The following TNS3 variants were observed in gnomAD, a reference collection of about 807,000 sequenced individuals.
The protein encoded by TNS3 is tensin-3.
Under a neutral mutation model 140.9 loss-of-function variants are expected in TNS3, and 45 were observed. The observed-to-expected ratio is 0.32, with a 90% CI of 0.25 to 0.41. The LOEUF is 0.41. Among genes scored for constraint, TNS3 ranks in the 10% least tolerant of loss-of-function variants. TNS3 has a pLI of 1.00. For missense variants in TNS3, 1,716 were observed against 1,906.7 expected (o/e 0.90, Z 1.86); for synonymous variants, 815 against 788.4 (o/e 1.03, Z -0.56).
intron 4 of TNS3, among the ~76,000 whole-genome samples, chr7:47,466,036 T>G (rs1304399298): frequency 6.6e-6 from 1 of 152,234 alleles, no homozygotes; most frequent in Non-Finnish European, 1.5e-5. Context: ...TTAAAATATC[T>G]AATTCATGTT....
chr7:47,530,551 C>T (rs969093565), intron 1 of TNS3, among the ~76,000 whole-genome samples: 1 of 151,670 alleles, frequency 6.6e-6, no homozygotes, highest in African/African-American at 2.4e-5. Context: ...TGGCCAGGCT[C>T]GGTGGCTCAC....
At chr7:47,506,810 C>T (rs1383724297) in intron 3 of TNS3, 97 bp downstream of exon 3, 10 of 951,816 alleles carry the variant, frequency 1.1e-5, no homozygotes, top group Non-Finnish European at 1.4e-5. Flanking sequence ...AGTTTTCTTT[C>T]CGTGGCTGCA....
chr7:47,518,305 C>T (rs1584801342), intron 2 of TNS3, among the ~76,000 whole-genome samples: 1 of 152,130 alleles, frequency 6.6e-6, no homozygotes, highest in African/African-American at 2.4e-5. Flanking sequence ...GATTGGATGT[C>T]GCCGCAAGGT....
chr7:47,380,159 T>C (rs1791662940), intron 16 of TNS3, among the ~76,000 whole-genome samples: 1 of 152,186 alleles, frequency 6.6e-6, no homozygotes, highest in Non-Finnish European at 1.5e-5. Context: ...GTGGCAGGCG[T>C]GTCACAGACG....
intron 3 of TNS3, 88 bp from the exon 4 acceptor site, chr7:47,481,229 T>A (rs776540184): frequency 9.8e-7 from 1 of 1,023,686 alleles, no homozygotes. Context: ...AAAGACTGAA[T>A]GAAACTGTCT....
intron 20 of TNS3, among the ~76,000 whole-genome samples, chr7:47,336,067 T>C (rs574887065): frequency 6.6e-6 from 1 of 152,128 alleles, no homozygotes; most frequent in South Asian, 2.1e-4. Context: ...GCAATGGGAC[T>C]AGAATCCAAA....
chr7:47,470,636 C>T (rs1584729390), intron 4 of TNS3: 2 of 985,446 alleles, frequency 2.0e-6, no homozygotes, highest in South Asian at 9.4e-5. Context: ...AATGCAGCAA[C>T]CCTGAACCAC....
chr7:47,389,098 GGAAGCGGAAGCAGAAGAAGAA>G (rs1792322918), intron 16 of TNS3, among the ~76,000 whole-genome samples: 1 of 35,976 alleles, frequency 2.8e-5, no homozygotes, highest in African/African-American at 2.2e-4. Flanking sequence ...AAGAGGAAGA[GGAAGCGGAAGCAGAAGAAGAA>G]GAAGAAGAAG....
chr7:47,328,743 G>A (rs1273136187), intron 20 of TNS3, among the ~76,000 whole-genome samples: 1 of 152,160 alleles, frequency 6.6e-6, no homozygotes, highest in African/African-American at 2.4e-5. Context: ...GCAGCCCAGG[G>A]GACCTTCCAA....
intron 4 of TNS3, among the ~76,000 whole-genome samples, chr7:47,475,326 C>G (rs1168159710): frequency 6.6e-6 from 1 of 152,256 alleles, no homozygotes; most frequent in Non-Finnish European, 1.5e-5. Context: ...TACCCAACCC[C>G]TCTTCCAGGG....
At chr7:47,483,415 C>T (rs920071767) in intron 3 of TNS3, among the ~76,000 whole-genome samples, 3 of 152,210 alleles carry the variant, frequency 2.0e-5, no homozygotes, top group East Asian at 3.9e-4. Flanking sequence ...ATGATCCACC[C>T]ACCTCGGCCT....
At chr7:47,297,628 C>A (rs1315968853) in intron 23 of TNS3, among the ~76,000 whole-genome samples, 3 of 152,024 alleles carry the variant, frequency 2.0e-5, no homozygotes, top group Non-Finnish European at 4.4e-5. Context: ...AGAAACAAGA[C>A]CAGATCCAAA....
At chr7:47,406,548 A>T (rs1202114812) in intron 13 of TNS3, among the ~76,000 whole-genome samples, 2 of 152,212 alleles carry the variant, frequency 1.3e-5, no homozygotes, top group East Asian at 3.9e-4. Context: ...AGAGGACAAG[A>T]GGCCTTTTGA....
At chr7:47,568,994 T>TC (rs1800491075) in intron 1 of TNS3, among the ~76,000 whole-genome samples, 1 of 152,216 alleles carries the variant, frequency 6.6e-6, no homozygotes, top group African/African-American at 2.4e-5. Flanking sequence ...CACCCACTCC[T>TC]CCTCCAGGCA....
At position 47,280,363 on chromosome 7, in the gene TNS3, A is replaced by G. The variant is rs1298197229; in HGVS notation, c.4098-9T>C. 5 of 1,613,896 alleles carry G rather than the reference A, an allele frequency of 3.1e-6. No homozygotes were observed. The African/African-American group carries it at 6.7e-5, about 22-fold the overall frequency. ...GCCTCCGGAAGAAGAGCCTGTTGGG[A>G]CATGGGGGAGAGAGGATGGCTCCTG... is the stretch of plus-strand genomic sequence containing the variant. On this transcript the variant is annotated splice_polypyrimidine_tract_variant and intron_variant, in intron 28 of 30. Transcript: ENST00000311160.
chr7:47,300,342 G>A (rs1039851375), intron 23 of TNS3, among the ~76,000 whole-genome samples: 1 of 152,200 alleles, frequency 6.6e-6, no homozygotes, highest in Non-Finnish European at 1.5e-5. Flanking sequence ...CGATGCACAT[G>A]TTGGCCATCC....
intron 4 of TNS3, among the ~76,000 whole-genome samples, chr7:47,471,477 C>T (rs1796950416): frequency 6.6e-6 from 1 of 152,176 alleles, no homozygotes; most frequent in African/African-American, 2.4e-5. Context: ...ACCTTGGCTC[C>T]CACTGACTTA....
chr7:47,321,350 G>A (rs770488436), intron 20 of TNS3, among the ~76,000 whole-genome samples: 9 of 152,122 alleles, frequency 5.9e-5, no homozygotes, highest in African/African-American at 1.7e-4. Flanking sequence ...CATGGGCAGC[G>A]TCTCCACGGT....
intron 1 of TNS3, among the ~76,000 whole-genome samples, chr7:47,537,779 G>GC (rs1444713037): frequency 6.6e-6 from 1 of 152,112 alleles, no homozygotes; most frequent in Non-Finnish European, 1.5e-5. Flanking sequence ...AAACACCGAG[G>GC]CAGAAAGGCT....
Sources: gnomAD v4.1 joint callset for allele counts (sites outside exome capture counted in the v4.1 genomes callset) on GRCh38, gnomAD v4.1.1 for gene constraint, MANE v1.5 for transcripts, NCBI Gene and HGNC (gene_info 2026-07-23, HGNC 2026-07-21) for gene names.